Variants in EGFR observed in about 807,000 individuals in gnomAD.
The protein encoded by EGFR is avian erythroblastic leukemia viral (v-erb-b) oncogene homolog.
EGFR carries 58 observed loss-of-function variants against 143.0 expected under a neutral mutation model. The observed-to-expected ratio is 0.41, with a 90% CI of 0.33 to 0.50. The LOEUF (loss-of-function observed/expected upper bound fraction) is 0.50, where lower values mean the gene tolerates loss of function less well. EGFR is among the 20% of genes least tolerant of loss of function. The pLI is 0.39. For missense variants in EGFR, 1,307 were observed against 1,579.0 expected (o/e 0.83, Z 2.92); for synonymous variants, 613 against 594.4 (o/e 1.03, Z -0.45).
intron 1 of EGFR, among the ~76,000 whole-genome samples, chr7:55,049,362 T>C (rs887810242): frequency 6.6e-6 from 1 of 152,192 alleles, no homozygotes; most frequent in African/African-American, 2.4e-5. Flanking sequence ...CGCCTCTTTC[T>C]TCATTATTTC....
At chr7:55,190,132 T>C (rs190239540) in intron 20 of EGFR, among the ~76,000 whole-genome samples, 5,246 of 151,972 alleles carry the variant, frequency 0.035, 288 homozygotes, top group African/African-American at 0.12. Flanking sequence ...CTGCCCCCCC[T>C]CTCCTCTCCC....
In EGFR at chr7:55,019,303, C is replaced by T. The variant is rs1583835979; in HGVS notation, c.26C>T (p.Ala9Val). ...ATGCGACCCTCCGGGACGGCCGGGG[C>T]AGCGCTCCTGGCGCTGCTGGCTGCG... MRPSGTAGAALLALLAALC... is the reference protein window; with the variant it reads MRPSGTAGVALLALLAALC... Residue 9 changes from alanine to valine, a missense_variant, in exon 1 of 28, where the codon GCA (alanine) becomes GTA (valine). Physicochemically the swap from Ala to Val is moderately conservative, Grantham distance 64. This residue lies in a region of EGFR where 65 missense variants were observed against 37.8 expected (regional missense o/e 1.72). Transcript: ENST00000275493. The T allele has an allele frequency of 1.3e-6, 2 of 1,516,672 alleles. No individual in the cohort carries two copies. Among genetic ancestry groups the T allele is most frequent in the Non-Finnish European group, 1.8e-6 (2 of 1,128,118 alleles). The allele number at this position is 1,516,672 out of a possible 1,614,324, so 94.0% of individuals were successfully genotyped here. A position where few individuals can be genotyped will look rare whatever the true frequency, so the allele number is the denominator to read the frequency against.
At chr7:55,053,364 C>T (rs770051763) in intron 1 of EGFR, among the ~76,000 whole-genome samples, 3 of 152,154 alleles carry the variant, frequency 2.0e-5, no homozygotes, top group East Asian at 3.9e-4. Flanking sequence ...TCTGCATAAA[C>T]GTGTGTGATC....
At chr7:55,143,157 T>G in intron 2 of EGFR, 148 bp from the exon 3 acceptor site, 1 of 759,442 alleles carries the variant, frequency 1.3e-6, no homozygotes, top group Non-Finnish European at 2.2e-6. Flanking sequence ...TGTCCATGAC[T>G]GCAATCGTCT....
At chr7:55,123,597 G>C (rs1793340015) in intron 1 of EGFR, among the ~76,000 whole-genome samples, 1 of 152,066 alleles carries the variant, frequency 6.6e-6, no homozygotes, top group South Asian at 2.1e-4. Context: ...GCTGGCAGCA[G>C]CTTGAGGGTC....
Position 55,092,309 on chromosome 7 carries a change from A to T in EGFR, c.89-49977A>T, listed in dbSNP as rs376969008. Among the ~76,000 whole-genome samples, 24 of 152,314 alleles carry T rather than the reference A, an allele frequency of 1.6e-4. 1 individual carries two copies. In the South Asian group the frequency reaches 5.0e-3, roughly 32 times the overall value. On this transcript the variant is annotated intron_variant, in intron 1 of 27. Coordinates refer to ENST00000275493, the MANE Select transcript of EGFR (RefSeq NM_005228.5). ...TTTGAGAAGCCCAGGAGTGCCCTAG[A>T]GGATGAGACTGGGTGGCTCCCTGTC...
intron 1 of EGFR, among the ~76,000 whole-genome samples, chr7:55,033,409 C>T (rs371936436): frequency 4.4e-4 from 67 of 152,256 alleles, no homozygotes; most frequent in African/African-American, 1.6e-3. Context: ...TATGCCCTGG[C>T]CTTGAACTCA....
chr7:55,091,891 C>CACACACACA (rs1562706309), intron 1 of EGFR, among the ~76,000 whole-genome samples: 13 of 135,236 alleles, frequency 9.6e-5, no homozygotes, highest in South Asian at 2.3e-4. Context: ...CACACACACA[C>CACACACACA]CCTGAGAGAG....
At chr7:55,204,200 CAT>C (rs1373239079) in intron 27 of EGFR, among the ~76,000 whole-genome samples, 9 of 150,230 alleles carry the variant, frequency 6.0e-5, no homozygotes, top group Non-Finnish European at 8.9e-5. Context: ...ACACCATACA[CAT>C]GTACACACAC....
chr7:55,158,598 T>C (rs559333771), intron 11 of EGFR, among the ~76,000 whole-genome samples: 9 of 152,358 alleles, frequency 5.9e-5, no homozygotes, highest in East Asian at 1.9e-4. Context: ...ATAAGAGATT[T>C]AGAGCAATTT....
At chr7:55,195,817 T>C (rs1254477702) in intron 22 of EGFR, among the ~76,000 whole-genome samples, 1 of 152,200 alleles carries the variant, frequency 6.6e-6, no homozygotes, top group African/African-American at 2.4e-5. Flanking sequence ...TGATGGCCTC[T>C]AGCTCCATCC....
At position 55,019,170 on chromosome 7, in the gene EGFR, C is replaced by T. The variant is rs1338852534; in HGVS notation, c.-108C>T. The T allele has an allele frequency of 4.3e-6, 4 of 932,252 alleles. No individual in the cohort carries two copies. In the East Asian group the frequency reaches 1.5e-4, roughly 34 times the overall value. The allele number at this position is 932,252 out of a possible 1,614,324, so 57.7% of individuals were successfully genotyped here. On this transcript the variant is annotated 5_prime_UTR_variant, in exon 1 of 28. Coordinates refer to ENST00000275493, the MANE Select transcript of EGFR (RefSeq NM_005228.5). ...GGACGACAGGCCACCTCGTCGGCGT[C>T]CGCCCGAGTCCCCGCCTCGCCGCCA... is the stretch of plus-strand genomic sequence containing the variant.
intron 1 of EGFR, among the ~76,000 whole-genome samples, chr7:55,120,958 T>G (rs1414448418): frequency 6.6e-6 from 1 of 152,172 alleles, no homozygotes; most frequent in African/African-American, 2.4e-5. Context: ...GAATTGCCTG[T>G]TTGTTGCAAG....
Position 55,165,423 on chromosome 7 carries a change from A to C in EGFR, c.1866A>C (p.Pro622=). ...GCCATGTGTGCCACCTGTGCCATCC[A>C]AACTGCACCTACGGGTGAGTGGAAA... ...DAGHVCHLCH[P]NCTYGCTGPG... The change falls in exon 15 of 28, where the codon CCA becomes CCC. Residue 622 remains proline (P), a synonymous_variant. Coordinates refer to ENST00000275493, the MANE Select transcript of EGFR (RefSeq NM_005228.5). 1 of 1,613,876 alleles carries C rather than the reference A, an allele frequency of 6.2e-7. No individual in the cohort carries two copies.
chr7:55,088,867 AT>A (rs1179030392), intron 1 of EGFR, among the ~76,000 whole-genome samples: 1 of 152,088 alleles, frequency 6.6e-6, no homozygotes, highest in Non-Finnish European at 1.5e-5. Context: ...GCCCTCCATC[AT>A]TTTTTGTCTC....
intron 19 of EGFR, among the ~76,000 whole-genome samples, chr7:55,175,061 C>T (rs1475144330): frequency 6.6e-6 from 1 of 152,220 alleles, no homozygotes; most frequent in African/African-American, 2.4e-5. Context: ...CTGGCATCTA[C>T]CCAGCACTAG....
At chr7:55,122,673 A>C in intron 1 of EGFR, among the ~76,000 whole-genome samples, 1 of 151,686 alleles carries the variant, frequency 6.6e-6, no homozygotes, top group Non-Finnish European at 1.5e-5. Flanking sequence ...TCCTCTGCCT[A>C]CCTCCAAGCC....
chr7:55,057,414 A>G (rs981187379), intron 1 of EGFR, among the ~76,000 whole-genome samples: 12 of 152,176 alleles, frequency 7.9e-5, no homozygotes, highest in African/African-American at 2.9e-4. Context: ...CCTTCAAAGA[A>G]GTCACTTTAT....
At chr7:55,117,817 T>C (rs907612702) in intron 1 of EGFR, among the ~76,000 whole-genome samples, 3 of 152,170 alleles carry the variant, frequency 2.0e-5, no homozygotes. Context: ...GTAAAGTGTA[T>C]ATTTGAGGCT....
Sources: gnomAD v4.1 joint callset for allele counts (sites outside exome capture counted in the v4.1 genomes callset) on GRCh38, gnomAD v4.1.1 for gene constraint, gnomAD v4.1.1 regional missense constraint, MANE v1.5 for transcripts, NCBI Gene and HGNC (gene_info 2026-07-23, HGNC 2026-07-21) for gene names.